The following ZMAT1 variants were observed in gnomAD, a reference collection of about 807,000 sequenced individuals.
The protein encoded by ZMAT1 is zinc finger matrin-type protein 1.
Under a neutral mutation model 18.5 loss-of-function variants are expected in ZMAT1, and 11 were observed. The observed-to-expected ratio is 0.59, with a 90% CI of 0.37 to 0.98. The LOEUF is 0.98. Ranked by LOEUF, ZMAT1 falls within the 50% of genes least tolerant of loss-of-function variation. The pLI is 0.01. For missense variants in ZMAT1, 525 were observed against 496.2 expected, an observed-to-expected ratio of 1.06 and a Z score of -0.55; for synonymous variants, 211 against 176.4, an observed-to-expected ratio of 1.20 and a Z score of -1.55.
chrX:101,903,058 G>A (rs1277180907), intron 2 of ZMAT1, among the ~76,000 whole-genome samples: 9 of 111,291 alleles, frequency 8.1e-5, no homozygotes, highest in Non-Finnish European at 1.1e-4. Flanking sequence ...ACTGAATAGT[G>A]CTTTATGATT....
chrX:101,906,329 C>T (rs1928620887), intron 1 of ZMAT1, among the ~76,000 whole-genome samples: 1 of 111,925 alleles, frequency 8.9e-6, no homozygotes, highest in Non-Finnish European at 1.9e-5. Context: ...CCCAAGGCTC[C>T]TGGCTTCAGG....
intron 2 of ZMAT1, among the ~76,000 whole-genome samples, chrX:101,900,022 T>C (rs780596742): frequency 2.7e-5 from 3 of 112,059 alleles, no homozygotes; most frequent in South Asian, 7.5e-4. Context: ...TGGTATCGCA[T>C]TGTGGTTTTG....
Position 101,883,236 on chromosome X carries a change from T to C in ZMAT1, c.*274A>G, listed in dbSNP as rs571165202. The C allele has an allele frequency of 2.4e-4, 53 of 225,047 alleles. No individual in the cohort carries two copies. The South Asian group carries it at 0.011, about 49-fold the overall frequency. The allele number at this position is 225,047 out of a possible 1,213,427, so 18.5% of individuals were successfully genotyped here. On this transcript the variant is annotated 3_prime_UTR_variant, in exon 6 of 6. Transcript: ENST00000651725. The stretch of plus-strand genomic sequence containing the variant: ...AGTTCAATACCCAAGAATAGACTCA[T>C]TCCAAAACACAGATTCTTGTCTTTT...
chrX:101,898,009 A>G lies in ZMAT1; in HGVS notation c.535T>C (p.Phe179Leu). ...HRYEGVDKNKFCDLCNMMFSS... is the reference protein window; with the variant it reads ...HRYEGVDKNKLCDLCNMMFSS... The stretch of plus-strand genomic sequence containing the variant: ...AACATCATGTTGCAGAGATCACAAA[A>G]TTTGTTTTTGTCCACTCCTTCATAC... Residue 179 changes from phenylalanine (F) to leucine (L), a missense_variant, in exon 4 of 6, where the codon TTT (phenylalanine) becomes CTT (leucine). Physicochemically the swap from Phe to Leu is conservative, Grantham distance 22. Coordinates refer to ENST00000651725, the MANE Select transcript of ZMAT1 (RefSeq NM_001394560.1). The G allele has an allele frequency of 8.3e-7, 1 of 1,211,521 alleles. No homozygotes were observed. Among genetic ancestry groups the G allele is most frequent in the Non-Finnish European group, 1.1e-6 (1 of 895,446 alleles).
In ZMAT1 at chrX:101,898,053, C is replaced by T. The variant is rs1244488440; in HGVS notation, c.502-11G>A. On this transcript the variant is annotated splice_polypyrimidine_tract_variant and intron_variant, in intron 3 of 5. Transcript: ENST00000651725. ...TTCATACCTATGCACCTGAAATAGG[C>T]ACAATCTTGTTAGAAAGATTCAATA... 2.5e-6 allele frequency: 3 copies of T among 1,209,732 alleles called. No individual in the cohort carries two copies. Among genetic ancestry groups the T allele is most frequent in the Non-Finnish European group, 3.4e-6 (3 of 893,885 alleles).
intron 2 of ZMAT1, among the ~76,000 whole-genome samples, chrX:101,901,237 G>A (rs1186726323): frequency 9.0e-6 from 1 of 110,858 alleles, no homozygotes; most frequent in Non-Finnish European, 1.9e-5. Context: ...CAAGGTAAAC[G>A]ATCATATCAT....
At chrX:101,900,832 C>T (rs769494074) in intron 2 of ZMAT1, among the ~76,000 whole-genome samples, 43 of 110,900 alleles carry the variant, frequency 3.9e-4, no homozygotes, top group East Asian at 2.8e-4. Flanking sequence ...TTTATAATTC[C>T]GTGAAGAATG....
chrX:101,929,437 A>ATTC (rs1272116276), intron 1 of ZMAT1, among the ~76,000 whole-genome samples: 1 of 81,216 alleles, frequency 1.2e-5, no homozygotes, highest in African/African-American at 5.6e-5. Context: ...ATATATATAT[A>ATTC]TATATATATA....
At chrX:101,902,894 T>C (rs1410512391) in intron 2 of ZMAT1, among the ~76,000 whole-genome samples, 1 of 111,761 alleles carries the variant, frequency 8.9e-6, no homozygotes, top group Non-Finnish European at 1.9e-5. Flanking sequence ...AGTCTGTATA[T>C]CTTTTTTGTA....
chrX:101,905,032 CTT>C (rs1928514020), intron 1 of ZMAT1, among the ~76,000 whole-genome samples: 1 of 111,969 alleles, frequency 8.9e-6, no homozygotes, highest in South Asian at 3.7e-4. Flanking sequence ...CTAAGAAATG[CTT>C]TGTTTTAGGA....
intron 1 of ZMAT1, among the ~76,000 whole-genome samples, chrX:101,919,586 A>G (rs1208878136): frequency 8.9e-6 from 1 of 111,945 alleles, no homozygotes; most frequent in African/African-American, 3.2e-5. Context: ...TACCGAAAGA[A>G]CTATGATCCC....
At chrX:101,910,780 T>C (rs1251169904) in intron 1 of ZMAT1, among the ~76,000 whole-genome samples, 1 of 111,289 alleles carries the variant, frequency 9.0e-6, no homozygotes, top group Non-Finnish European at 1.9e-5. Flanking sequence ...CTACAGGAAC[T>C]AGAAAATAGA....
At chrX:101,927,533 A>T (rs1930127897) in intron 1 of ZMAT1, among the ~76,000 whole-genome samples, 2 of 112,608 alleles carry the variant, frequency 1.8e-5, no homozygotes, top group Non-Finnish European at 3.7e-5. Context: ...ATATTACAAC[A>T]GAATTAACAA....
Position 101,897,819 on chromosome X carries a change from A to G in ZMAT1, c.676+49T>C, listed in dbSNP as rs745931910. 36 of 1,132,615 alleles carry G rather than the reference A, an allele frequency of 3.2e-5. No homozygotes were observed. The East Asian group carries it at 1.0e-3, about 32-fold the overall frequency. The allele number at this position is 1,132,615 out of a possible 1,213,427, so 93.3% of individuals were successfully genotyped here. A position where few individuals can be genotyped will look rare whatever the true frequency, so the allele number is the denominator to read the frequency against. On this transcript the variant is annotated intron_variant, in intron 4 of 5. Transcript: ENST00000651725. ...AGGATATGGCAGAGTTAGACAAAAC[A>G]TGATAGGTAGATCCTGCATTGAAGA...
At chrX:101,886,268 T>C (rs1357478232) in intron 5 of ZMAT1, among the ~76,000 whole-genome samples, 1 of 111,800 alleles carries the variant, frequency 8.9e-6, no homozygotes, top group Non-Finnish European at 1.9e-5. Context: ...TTAACCACTA[T>C]ACATCACTGG....
In ZMAT1 at chrX:101,898,220, C is replaced by A. The variant is rs775023613; in HGVS notation, c.400G>T (p.Gly134Cys). The change falls in exon 3 of 6, where the codon GGT (glycine) becomes TGT (cysteine). Residue 134 changes from glycine to cysteine, a missense_variant and splice_region_variant. Gly to Cys is a radical substitution (Grantham distance 159). Transcript: ENST00000651725. ...FESQRISHYE[G>C]EKHAQNVSFY... ...CTAACATTTTGAGCATGTTTTTCAC[C>A]CTGAAAAAAGATATAATATGACTTT... 8.4e-7 allele frequency: 1 copy of A among 1,195,349 alleles called. No homozygotes were observed. Among genetic ancestry groups the A allele is most frequent in the Non-Finnish European group, 1.1e-6 (1 of 882,594 alleles).
intron 1 of ZMAT1, among the ~76,000 whole-genome samples, chrX:101,905,013 C>A (rs1347051571): frequency 8.9e-6 from 1 of 111,895 alleles, no homozygotes. Context: ...TGTTTAACAG[C>A]AGACAATCCT....
chrX:101,929,460 C>CAGAG (rs1930331979), intron 1 of ZMAT1, among the ~76,000 whole-genome samples: 1 of 82,139 alleles, frequency 1.2e-5, no homozygotes, highest in South Asian at 5.6e-4. Flanking sequence ...TATATATACA[C>CAGAG]ACAGAGAGAG....
chrX:101,926,729 T>G (rs1213477451), intron 1 of ZMAT1, among the ~76,000 whole-genome samples: 1 of 112,400 alleles, frequency 8.9e-6, no homozygotes, highest in Admixed American at 9.4e-5. Flanking sequence ...TAGATATAAC[T>G]GGCTATATTT....
Sources: allele counts gnomAD v4.1 joint callset (sites outside exome capture counted in the v4.1 genomes callset), GRCh38; gene constraint gnomAD v4.1.1; transcripts MANE v1.5; gene names NCBI Gene and HGNC (gene_info 2026-07-23, HGNC 2026-07-21).